HPS5: variants seen among roughly 807,000 people sequenced by gnomAD.
HPS5 encodes BLOC-2 complex member HPS5.
Under a neutral mutation model 128.0 loss-of-function variants are expected in HPS5, and 83 were observed. The ratio of observed to expected loss-of-function variants is 0.65; its 90% CI spans 0.54 to 0.78. The LOEUF (loss-of-function observed/expected upper bound fraction) is 0.78, where lower values mean the gene tolerates loss of function less well. Ranked by LOEUF, HPS5 falls within the 30% of genes least tolerant of loss-of-function variation. HPS5 has a pLI of 0.00. For missense variants in HPS5, 1,281 were observed against 1,326.2 expected (o/e 0.97, Z 0.53); for synonymous variants, 475 against 470.2 (o/e 1.01, Z -0.13).
rs1860430068 is a variant in HPS5, at chr11:18,291,732, A to C, written c.2150T>G (p.Leu717Trp). 5 of 1,614,128 alleles carry C rather than the reference A, an allele frequency of 3.1e-6. No homozygotes were observed. In the Admixed American group the frequency reaches 8.3e-5, roughly 27 times the overall value. ...AGAACATATTTGAAACAGGTCATCCAAAGACTCCCTTGGACTCCTTACACA... is the reference window on the plus strand; with the variant it reads ...AGAACATATTTGAAACAGGTCATCCCAAGACTCCCTTGGACTCCTTACACA... Reference protein sequence around the residue: ...CECVRSPRESLDDLFQICSPC... With the variant: ...CECVRSPRESWDDLFQICSPC... The change falls in exon 16 of 23, where the codon TTG becomes TGG. Residue 717 changes from leucine (L) to tryptophan (W), a missense_variant. Transcript: ENST00000349215.
intron 12 of HPS5, chr11:18,296,346 A>C (rs1861064751): frequency 1.8e-6 from 1 of 566,920 alleles, no homozygotes; most frequent in Admixed American, 3.1e-5. Context: ...ACTAACCCTG[A>C]GTCCCCATAA....
intron 1 of HPS5, 78 bp from the exon 2 acceptor site, chr11:18,317,985 A>C (rs1863846130): frequency 1.9e-6 from 2 of 1,079,648 alleles, no homozygotes; most frequent in Admixed American, 4.3e-5. Flanking sequence ...TGTGGGGAAC[A>C]TAGAGAAACA....
intron 2 of HPS5, among the ~76,000 whole-genome samples, chr11:18,313,094 T>C (rs1180623924): frequency 6.6e-6 from 1 of 152,234 alleles, no homozygotes; most frequent in Non-Finnish European, 1.5e-5. Flanking sequence ...TGAAATTACT[T>C]TGGTACTGGT....
chr11:18,280,524 T>C lies in HPS5; in HGVS notation c.3330-582A>G, dbSNP rs765703661. The stretch of plus-strand genomic sequence containing the variant: ...ATAGAATTACCATATGATTCCAGAA[T>C]TCCACTTTCAGGTATATACCCGAAA... On this transcript the variant is annotated intron_variant, in intron 22 of 22. Coordinates refer to ENST00000349215, the MANE Select transcript of HPS5 (RefSeq NM_181507.2). 11 of 694,296 alleles carry C rather than the reference T, an allele frequency of 1.6e-5. No individual in the cohort carries two copies. In the South Asian group the frequency reaches 1.7e-4, roughly 10 times the overall value. 43.0% of individuals were successfully genotyped at this position (694,296 alleles called of 1,614,324 possible). A position where few individuals can be genotyped will look rare whatever the true frequency, so the allele number is the denominator to read the frequency against.
intron 14 of HPS5, 31 bp from the exon 15 acceptor site, chr11:18,293,007 T>G (rs1344351666): frequency 1.3e-6 from 2 of 1,558,888 alleles, no homozygotes; most frequent in Non-Finnish European, 1.8e-6. Context: ...ACAATAACAT[T>G]CACAAGAGTT....
intron 6 of HPS5, among the ~76,000 whole-genome samples, chr11:18,307,207 C>T (rs929610087): frequency 4.6e-5 from 7 of 152,168 alleles, no homozygotes; most frequent in African/African-American, 1.7e-4. Context: ...CTACAAAAAG[C>T]ACTCAATACA....
rs1388457477 is a variant in HPS5, at chr11:18,297,560, T to A, written c.1322A>T (p.His441Leu). 1 of 1,613,232 alleles carries A rather than the reference T, an allele frequency of 6.2e-7. No homozygotes were observed. The highest frequency in any genetic ancestry group is 8.5e-7 in the Non-Finnish European group (1 of 1,179,472). Residue 441 changes from histidine (H) to leucine (L), a missense_variant and splice_region_variant, in exon 11 of 23, where the codon CAT becomes CTT. By Grantham distance (99) the His-to-Leu change is moderately conservative. Transcript: ENST00000349215. ...TCCTTTAAAGGTGAGAATACTTACATGTGATGAAATGGAGCTTCTTCTACT... is the reference window on the plus strand; with the variant it reads ...TCCTTTAAAGGTGAGAATACTTACAAGTGATGAAATGGAGCTTCTTCTACT... ...CSSRRSSISS[H>L]ESFSILDSGI...
In HPS5 at chr11:18,295,130, G is replaced by A. The variant is rs202216531; in HGVS notation, c.1674C>T (p.Gly558=). ...SFVRKTTEKI[G]TLHTSPDLKV... ...TCAGATCAGGGCTCGTGTGAAGGGT[G>A]CCAATCTTCTCAGTAGTTTTACGCA... Residue 558 remains glycine (G), a synonymous_variant, in exon 14 of 23, where the codon GGC becomes GGT. Coordinates refer to ENST00000349215, the MANE Select transcript of HPS5 (RefSeq NM_181507.2). 1 of 1,614,124 alleles carries A rather than the reference G, an allele frequency of 6.2e-7. No individual in the cohort carries two copies. The highest frequency in any genetic ancestry group is 2.2e-5 in the East Asian group (1 of 44,882).
intron 12 of HPS5, 168 bp from the exon 13 acceptor site, chr11:18,296,290 T>C (rs1861058027): frequency 3.0e-6 from 2 of 677,430 alleles, no homozygotes; most frequent in African/African-American, 1.8e-5. Flanking sequence ...ACAAAATGCA[T>C]GGGATGGTCC....
At chr11:18,280,772 GAA>G in intron 22 of HPS5, 1 of 472,754 alleles carries the variant, frequency 2.1e-6, no homozygotes, top group South Asian at 3.9e-5. Flanking sequence ...TATGCTCAGT[GAA>G]AACAGGCTGG....
At chr11:18,302,374 C>T (rs751645665) in intron 8 of HPS5, among the ~76,000 whole-genome samples, 3 of 152,174 alleles carry the variant, frequency 2.0e-5, no homozygotes, top group African/African-American at 2.4e-5. Flanking sequence ...TCTCAAGGAT[C>T]AGAAGTTCTA....
At chr11:18,308,174 C>T (rs999848301) in intron 6 of HPS5, among the ~76,000 whole-genome samples, 2 of 152,218 alleles carry the variant, frequency 1.3e-5, no homozygotes, top group African/African-American at 4.8e-5. Context: ...TATTTCACAG[C>T]TACCTCTAAT....
rs758755575 is a variant in HPS5 at position 18,311,418 on chromosome 11, G to A, written c.253C>T (p.His85Tyr). The part of the protein sequence containing the change: ...GAISQVACCL[H>Y]DDDYVAVATS... ...GCTACAGCAACATAATCATCATCAT[G>A]TAAACAACAGGCGACTTGAGAAATT... Residue 85 changes from histidine to tyrosine, a missense_variant, in exon 4 of 23, where the codon CAT becomes TAT. Coordinates refer to ENST00000349215, the MANE Select transcript of HPS5 (RefSeq NM_181507.2). The A allele has an allele frequency of 3.1e-5, 50 of 1,609,238 alleles. No homozygotes were observed. Among genetic ancestry groups the A allele is most frequent in the Middle Eastern group, 3.3e-4 (2 of 6,054 alleles).
Position 18,291,539 on chromosome 11 carries a change from G to A in HPS5, c.2343C>T (p.Tyr781=). Residue 781 remains tyrosine (Y), a synonymous_variant, in exon 16 of 23, where the codon TAC becomes TAT. Coordinates refer to ENST00000349215, the MANE Select transcript of HPS5 (RefSeq NM_181507.2). ...CTCTTTTCAAGTTCAGGAGAAAAAA[G>A]TACTTCTTCAGGAACTGGCAAGCCA... ...EILACQFLKK[Y]FFLLNLKRAK... is the part of the protein sequence containing the mutation. The A allele has an allele frequency of 6.2e-7, 1 of 1,611,276 alleles. No homozygotes were observed. Among genetic ancestry groups the A allele is most frequent in the Non-Finnish European group, 8.5e-7 (1 of 1,178,150 alleles).
intron 14 of HPS5, among the ~76,000 whole-genome samples, chr11:18,293,296 A>G (rs1416517962): frequency 2.0e-5 from 3 of 152,028 alleles, no homozygotes; most frequent in Non-Finnish European, 4.4e-5. Flanking sequence ...AGCCTCCCGA[A>G]TAGCTGGGAC....
chr11:18,302,075 T>C (rs1457057728), intron 8 of HPS5, among the ~76,000 whole-genome samples: 1 of 151,944 alleles, frequency 6.6e-6, no homozygotes, highest in African/African-American at 2.4e-5. Context: ...CCCATTTTCT[T>C]AACCCCAAGC....
chr11:18,285,560 T>C (rs188423882), intron 19 of HPS5, 101 bp from the exon 20 acceptor site: 44 of 776,766 alleles, frequency 5.7e-5, no homozygotes, highest in Admixed American at 2.6e-4. Context: ...CTGCATTCTA[T>C]TACTACATTT....
chr11:18,305,213 C>A (rs991490006), intron 8 of HPS5, among the ~76,000 whole-genome samples: 1 of 152,182 alleles, frequency 6.6e-6, no homozygotes, highest in African/African-American at 2.4e-5. Context: ...ATTATAAACT[C>A]TCCAATTGGC....
intron 22 of HPS5, among the ~76,000 whole-genome samples, chr11:18,281,571 T>C (rs1858967637): frequency 1.8e-5 from 1 of 55,118 alleles, no homozygotes; most frequent in African/African-American, 1.1e-4. Context: ...AGCTAATTTT[T>C]GTACTTTTTT....
Sources: allele counts gnomAD v4.1 joint callset (sites outside exome capture counted in the v4.1 genomes callset), GRCh38; gene constraint gnomAD v4.1.1; transcripts MANE v1.5; gene names NCBI Gene and HGNC (gene_info 2026-07-23, HGNC 2026-07-21).